CLDN14: variants seen among roughly 807,000 people sequenced by gnomAD.
CLDN14 encodes claudin-14.
CLDN14 carries 2 observed loss-of-function variants against 2.1 expected under a neutral mutation model. That is an observed-to-expected ratio of 0.96 (90% CI 0.39 to 3.01). The LOEUF (loss-of-function observed/expected upper bound fraction) is 3.01, where lower values mean the gene tolerates loss of function less well. Among genes scored for constraint, CLDN14 ranks in the 30% most tolerant of loss-of-function variants. The probability of loss-of-function intolerance (pLI) is 0.09; values close to 1 mark genes in which losing one functional copy is unlikely to be tolerated. For synonymous variants in CLDN14, 136 were observed against 154.4 expected (o/e 0.88, Z 0.88); for missense variants, 298 against 328.0 (o/e 0.91, Z 0.71).
chr21:36,529,986 G>T (rs77147636), intron 1 of CLDN14, among the ~76,000 whole-genome samples: 4 of 152,164 alleles, frequency 2.6e-5, no homozygotes, highest in African/African-American at 9.7e-5. Flanking sequence ...GCACCTGCTG[G>T]GGGATGGACT....
chr21:36,539,918 GTC>G (rs1388555216), intron 1 of CLDN14, among the ~76,000 whole-genome samples: 5 of 151,698 alleles, frequency 3.3e-5, no homozygotes, highest in African/African-American at 9.7e-5. Context: ...ATTGGAGTGT[GTC>G]TGTGGAGTGT....
At chr21:36,486,001 C>T (rs1191076700) in intron 2 of CLDN14, 3 of 1,461,926 alleles carry the variant, frequency 2.1e-6, no homozygotes, top group Non-Finnish European at 9.6e-7. Flanking sequence ...TGTCTTCCTC[C>T]TTCTTGTCCT....
At chr21:36,565,807 A>G (rs554265736) in intron 1 of CLDN14, among the ~76,000 whole-genome samples, 8 of 152,288 alleles carry the variant, frequency 5.3e-5, no homozygotes, top group African/African-American at 1.9e-4. Flanking sequence ...AAGTTCTCTC[A>G]TCCCCCTTGC....
At chr21:36,500,454 CAG>C (rs1407546209) in intron 2 of CLDN14, among the ~76,000 whole-genome samples, 1 of 152,150 alleles carries the variant, frequency 6.6e-6, no homozygotes, top group East Asian at 1.9e-4. Context: ...TAAATTTAGA[CAG>C]AGTCTTGTTC....
upstream of CLDN14, among the ~76,000 whole-genome samples, chr21:36,483,380 C>G (rs1267743569): frequency 6.6e-6 from 1 of 152,254 alleles, no homozygotes; most frequent in African/African-American, 2.4e-5. Context: ...TGCACAAATG[C>G]ATCATGTGGT....
chr21:36,526,441 C>G (rs951516861), intron 1 of CLDN14: 1 of 152,156 alleles, frequency 6.6e-6, no homozygotes, highest in Non-Finnish European at 1.5e-5. Context: ...CAGGACCAGA[C>G]CAGAACTCAG....
intron 2 of CLDN14, among the ~76,000 whole-genome samples, chr21:36,492,164 G>GT (rs2086972384): frequency 6.7e-6 from 1 of 148,462 alleles, no homozygotes; most frequent in Non-Finnish European, 1.5e-5. Flanking sequence ...GCCGGGCGCG[G>GT]TGGCTCACGC....
intron 1 of CLDN14, among the ~76,000 whole-genome samples, chr21:36,523,567 C>A (rs1437830592): frequency 6.6e-6 from 1 of 151,454 alleles, no homozygotes; most frequent in African/African-American, 2.4e-5. Flanking sequence ...GTCGACATGG[C>A]AAAACCCCAT....
intron 1 of CLDN14, among the ~76,000 whole-genome samples, chr21:36,536,757 C>A (rs529189215): frequency 1.3e-5 from 2 of 152,268 alleles, no homozygotes; most frequent in South Asian, 4.1e-4. Context: ...CAGACTTTCT[C>A]TTTTATTATA....
At chr21:36,472,613 C>T (rs896829608) in intron 1 of CLDN14, among the ~76,000 whole-genome samples, 2 of 152,216 alleles carry the variant, frequency 1.3e-5, no homozygotes, top group African/African-American at 4.8e-5. Flanking sequence ...CCAGAAAAAA[C>T]TGGTGTCTCC....
At chr21:36,572,750 T>C (rs1423611772) in intron 1 of CLDN14, among the ~76,000 whole-genome samples, 1 of 152,176 alleles carries the variant, frequency 6.6e-6, no homozygotes, top group Non-Finnish European at 1.5e-5. Context: ...CTTATTAACT[T>C]TGGGACCTGA....
intron 1 of CLDN14, among the ~76,000 whole-genome samples, chr21:36,473,167 T>C (rs1336026019): frequency 6.6e-6 from 1 of 152,044 alleles, no homozygotes; most frequent in Non-Finnish European, 1.5e-5. Context: ...CAGGCTGGTC[T>C]TGATCTCTCA....
intron 1 of CLDN14, among the ~76,000 whole-genome samples, chr21:36,530,004 G>T (rs1336922274): frequency 6.6e-6 from 1 of 152,148 alleles, no homozygotes; most frequent in Non-Finnish European, 1.5e-5. Flanking sequence ...ACTTTGTTAG[G>T]ACGATTAGAA....
chr21:36,485,994 C>A, intron 2 of CLDN14: 1 of 1,459,338 alleles, frequency 6.9e-7, no homozygotes, highest in South Asian at 1.1e-5. Flanking sequence ...CACTTCTTGT[C>A]TTCCTCCTTC....
chr21:36,476,557 A>T (rs553928599), intron 1 of CLDN14, among the ~76,000 whole-genome samples: 26 of 151,712 alleles, frequency 1.7e-4, no homozygotes, highest in African/African-American at 6.0e-4. Context: ...GGTTCAAGTG[A>T]TTCTCCTGCC....
In CLDN14 at chr21:36,511,265, C is replaced by T. The variant is rs73902549; in HGVS notation, c.-219-765G>A. Among the ~76,000 whole-genome samples, 428 of 152,214 alleles carry T rather than the reference C, an allele frequency of 2.8e-3. 3 individuals carry two copies. The highest frequency in any genetic ancestry group is 9.7e-3 in the African/African-American group (401 of 41,534). ...GGTGTAGTTAAGCACACCCTTTTCA[C>T]GGTGCGTTGAAGCAGATTTCCAGCC... On this transcript the variant is annotated intron_variant, in intron 1 of 2. Transcript: ENST00000342108.
chr21:36,501,386 A>T (rs1201466628), intron 2 of CLDN14, among the ~76,000 whole-genome samples: 5 of 110,632 alleles, frequency 4.5e-5, no homozygotes, highest in Admixed American at 2.7e-4. Context: ...TGAAACCATG[A>T]TTGGGTTACA....
At chr21:36,543,982 G>A (rs577724834) in intron 1 of CLDN14, among the ~76,000 whole-genome samples, 1 of 152,334 alleles carries the variant, frequency 6.6e-6, no homozygotes, top group East Asian at 1.9e-4. Flanking sequence ...GTCAGCTCAG[G>A]ATCCCCAAGG....
intron 1 of CLDN14, among the ~76,000 whole-genome samples, chr21:36,557,033 C>T (rs147028241): frequency 2.0e-5 from 3 of 152,326 alleles, no homozygotes; most frequent in East Asian, 3.9e-4. Flanking sequence ...TATAGGTGGG[C>T]TCAAACAGTA....
Sources: allele counts gnomAD v4.1 joint callset (sites outside exome capture counted in the v4.1 genomes callset), GRCh38; gene constraint gnomAD v4.1.1; transcripts MANE v1.5; gene names NCBI Gene and HGNC (gene_info 2026-07-23, HGNC 2026-07-21).